Variants in SDHB observed in about 807,000 individuals in gnomAD.
SDHB encodes succinate dehydrogenase [ubiquinone] iron-sulfur subunit, mitochondrial.
A neutral mutation model predicts 39.7 loss-of-function variants in SDHB; 21 were observed. The ratio of observed to expected loss-of-function variants is 0.53; its 90% CI spans 0.37 to 0.76. The LOEUF is 0.76. SDHB is among the 30% of genes least tolerant of loss of function. The pLI is 0.00. For synonymous variants in SDHB, 118 were observed against 117.0 expected, an observed-to-expected ratio of 1.01 and a Z score of -0.06; for missense variants, 343 against 350.9, an observed-to-expected ratio of 0.98 and a Z score of 0.18.
chr1:17,033,463 A>T (rs2078034033), intron 2 of SDHB, among the ~76,000 whole-genome samples: 1 of 152,210 alleles, frequency 6.6e-6, no homozygotes, highest in African/African-American at 2.4e-5. Flanking sequence ...AGTTTTTCCA[A>T]ATAATTTATT....
At chr1:17,028,822 G>T in intron 3 of SDHB, 86 bp from the exon 4 acceptor site, 1 of 1,514,310 alleles carries the variant, frequency 6.6e-7, no homozygotes, top group Non-Finnish European at 9.1e-7. Flanking sequence ...CCTCCTTGCT[G>T]TGCCATCAGG....
Position 17,028,689 on chromosome 1 carries a change from C to A in SDHB, c.334G>T (p.Ala112Ser). ...AMNINGGNTL[A>S]CTRRIDTNLN... ...TTGGTGTCAATCCTTCGGGTGCAAG[C>A]TAGAGTGTTGCCTCCATTGATGTTC... Residue 112 changes from alanine to serine, a missense_variant, in exon 4 of 8, where the codon GCT (alanine) becomes TCT (serine). Ala to Ser is a moderately conservative substitution (Grantham distance 99, BLOSUM62 1). Coordinates refer to ENST00000375499, the MANE Select transcript of SDHB (RefSeq NM_003000.3). 1 of 1,614,186 alleles carries A rather than the reference C, an allele frequency of 6.2e-7. No individual in the cohort carries two copies.
chr1:17,037,705 C>T (rs1286797926), intron 2 of SDHB, among the ~76,000 whole-genome samples: 1 of 152,194 alleles, frequency 6.6e-6, no homozygotes, highest in Non-Finnish European at 1.5e-5. Context: ...CATCTGCCTG[C>T]TTTGGCCTCT....
Position 17,044,874 on chromosome 1 carries a change from G to C in SDHB, c.87C>G (p.Ala29=), listed in dbSNP as rs2078100833. 1 of 1,613,664 alleles carries C rather than the reference G, an allele frequency of 6.2e-7. No individual in the cohort carries two copies. Among genetic ancestry groups the C allele is most frequent in the Admixed American group, 1.7e-5 (1 of 59,976 alleles). ...GGACLQASRG[A]QTAAATAPRI... is the part of the protein sequence containing the mutation. The stretch of plus-strand genomic sequence containing the variant: ...GGGGAGCTGTGGCTGCAGCTGTCTG[G>C]GCTCCTCGGGAGGCCTGAAATTTTT... Residue 29 remains alanine, a synonymous_variant, in exon 2 of 8, where the codon GCC becomes GCG. Coordinates refer to ENST00000375499, the MANE Select transcript of SDHB (RefSeq NM_003000.3).
At position 17,044,768 on chromosome 1, in the gene SDHB, G is replaced by A. The variant is rs786202185; in HGVS notation, c.193C>T (p.Leu65Phe). Residue 65 changes from leucine to phenylalanine, a missense_variant, in exon 2 of 8, where the codon CTT (leucine) becomes TTT (phenylalanine). Leu to Phe is a conservative substitution (Grantham distance 22). Coordinates refer to ENST00000375499, the MANE Select transcript of SDHB (RefSeq NM_003000.3). ...TTTCACAGAGATACTCACTTATTAA[G>A]GTCAACTTCATAAGTCTGCATATGA... is the stretch of plus-strand genomic sequence containing the variant. ...KPHMQTYEVD[L>F]NKCGPMVLDA... 3.1e-6 allele frequency: 5 copies of A among 1,614,046 alleles called. No individual in the cohort carries two copies. Among genetic ancestry groups the A allele is most frequent in the Non-Finnish European group, 3.4e-6 (4 of 1,179,966 alleles).
intron 1 of SDHB, among the ~76,000 whole-genome samples, chr1:17,053,073 C>T (rs1361235897): frequency 6.6e-6 from 1 of 152,142 alleles, no homozygotes; most frequent in African/African-American, 2.4e-5. Flanking sequence ...GAGGAACAGA[C>T]TTAGAAAGGA....
intron 2 of SDHB, among the ~76,000 whole-genome samples, chr1:17,037,441 A>T (rs2078056239): frequency 6.8e-6 from 1 of 146,962 alleles, no homozygotes; most frequent in Non-Finnish European, 1.5e-5. Flanking sequence ...AGCTCGGACT[A>T]CAGGAGTGTG....
chr1:17,033,418 G>A (rs1344739998), intron 2 of SDHB, among the ~76,000 whole-genome samples: 1 of 152,182 alleles, frequency 6.6e-6, no homozygotes, highest in Non-Finnish European at 1.5e-5. Flanking sequence ...TACAGTGGCC[G>A]AGTTTTTGTT....
chr1:17,049,647 C>CTTTTTTTTTTTTTTTTTTTTT (rs397835910), intron 1 of SDHB, among the ~76,000 whole-genome samples: 5 of 52,066 alleles, frequency 9.6e-5, no homozygotes, highest in African/African-American at 9.8e-5. Context: ...TCCCCTAGTT[C>CTTTTTTTTTTTTTTTTTTTTT]TTTTTTTTTT....
chr1:17,048,128 C>T (rs2078123962), intron 1 of SDHB, among the ~76,000 whole-genome samples: 1 of 152,226 alleles, frequency 6.6e-6, no homozygotes, highest in Admixed American at 6.5e-5. Flanking sequence ...GCCCTGTCCA[C>T]TTCCTCCCAC....
intron 1 of SDHB, among the ~76,000 whole-genome samples, chr1:17,053,189 A>G (rs953901265): frequency 2.6e-5 from 4 of 152,144 alleles, no homozygotes; most frequent in African/African-American, 9.7e-5. Context: ...TTGGCCATAC[A>G]AGGGGCGTGG....
rs536625060 is a variant in SDHB at position 17,053,708 on chromosome 1, C to A, written c.72+240G>T. Among the ~76,000 whole-genome samples the A allele has an allele frequency of 1.2e-4, 18 of 152,040 alleles. No individual in the cohort carries two copies. The South Asian group carries it at 1.7e-3, about 14-fold the overall frequency. On this transcript the variant is annotated intron_variant, in intron 1 of 7. Coordinates refer to ENST00000375499, the MANE Select transcript of SDHB (RefSeq NM_003000.3). ...AGTCCCCTTTCTGAACGTCCCCCCC[C>A]CCCGCACCCTTAGCTGTAAAAAATT...
chr1:17,018,728 T>C lies in SDHB; in HGVS notation c.*153A>G, dbSNP rs2077944706. Reference sequence around the variant, plus strand: ...CAAGTAAAGGAACAGGTTCTTTTTTTTTTGTTAATAAAGTAGAATAACATT... The same window carrying C: ...CAAGTAAAGGAACAGGTTCTTTTTTCTTTGTTAATAAAGTAGAATAACATT... On this transcript the variant is annotated 3_prime_UTR_variant, in exon 8 of 8. Transcript: ENST00000375499. 3.2e-6 allele frequency: 2 copies of C among 632,972 alleles called. No individual in the cohort carries two copies. The highest frequency in any genetic ancestry group is 5.5e-6 in the Non-Finnish European group (2 of 362,882). The allele number at this position is 632,972 out of a possible 1,614,324, so 39.2% of individuals were successfully genotyped here.
At chr1:17,019,509 C>T (rs538617349) in intron 7 of SDHB, among the ~76,000 whole-genome samples, 72 of 152,070 alleles carry the variant, frequency 4.7e-4, no homozygotes, top group African/African-American at 1.7e-3. Context: ...TTGCAGGAGG[C>T]ACAATAATTA....
At chr1:17,048,193 C>T (rs7545499) in intron 1 of SDHB, among the ~76,000 whole-genome samples, 64,028 of 152,108 alleles carry the variant, frequency 0.42, 15,129 homozygotes, top group Non-Finnish European at 0.54. Context: ...TTCTCTACTT[C>T]TCAAATTCGG....
chr1:17,019,033 A>T (rs1164953757), intron 7 of SDHB, 75 bp from the exon 8 acceptor site: 11 of 1,140,426 alleles, frequency 9.6e-6, no homozygotes, highest in Non-Finnish European at 1.3e-5. Flanking sequence ...CTTGGGTGAA[A>T]CTCCTTCCTC....
In SDHB at chr1:17,048,658, T is replaced by C. The variant is rs1052601973; in HGVS notation, c.73-3770A>G. 4.6e-5 allele frequency among the ~76,000 whole-genome samples: 7 copies of C among 152,210 alleles called. No homozygotes were observed. In the South Asian group the frequency reaches 1.4e-3, roughly 32 times the overall value. Reference sequence around the variant, plus strand: ...TTTTAAAAAATGGGGCTACTTCAAGTTTTTACTTCTAATTTGGACACTTTT... The same window carrying C: ...TTTTAAAAAATGGGGCTACTTCAAGCTTTTACTTCTAATTTGGACACTTTT... On this transcript the variant is annotated intron_variant, in intron 1 of 7. Transcript: ENST00000375499.
chr1:17,031,005 T>A (rs1020436869), intron 3 of SDHB, among the ~76,000 whole-genome samples: 1 of 150,788 alleles, frequency 6.6e-6, no homozygotes, highest in African/African-American at 2.4e-5. Context: ...CCCAGGCTGG[T>A]CTTAAACTCC....
At chr1:17,025,635 C>A (rs1238024705) in intron 5 of SDHB, among the ~76,000 whole-genome samples, 1 of 152,080 alleles carries the variant, frequency 6.6e-6, no homozygotes, top group African/African-American at 2.4e-5. Flanking sequence ...AAAATTATAG[C>A]TTATTTAAAA....
Sources: allele counts gnomAD v4.1 joint callset (sites outside exome capture counted in the v4.1 genomes callset), GRCh38; gene constraint gnomAD v4.1.1; transcripts MANE v1.5; gene names NCBI Gene and HGNC (gene_info 2026-07-23, HGNC 2026-07-21).